Variants in ANKS1B observed in about 807,000 individuals in gnomAD.
ANKS1B encodes the protein ankyrin repeat and sterile alpha motif domain-containing protein 1B.
A neutral mutation model predicts 148.3 loss-of-function variants in ANKS1B; 36 were observed. That is an observed-to-expected ratio of 0.24 (90% CI 0.19 to 0.32). ANKS1B has a LOEUF of 0.32. Ranked by LOEUF, ANKS1B falls within the 10% of genes least tolerant of loss-of-function variation. ANKS1B has a pLI of 1.00. For missense variants in ANKS1B, 1,157 were observed against 1,542.6 expected (o/e 0.75, Z 4.19); for synonymous variants, 542 against 560.8 (o/e 0.97, Z 0.47).
intron 8 of ANKS1B, among the ~76,000 whole-genome samples, chr12:99,742,599 C>T (rs1325673124): frequency 6.6e-6 from 1 of 151,540 alleles, no homozygotes; most frequent in Non-Finnish European, 1.5e-5. Context: ...CTTTGGGAGG[C>T]CAAGGCAGGC....
intron 1 of ANKS1B, among the ~76,000 whole-genome samples, chr12:99,929,409 A>C (rs911407089): frequency 3.3e-5 from 5 of 151,962 alleles, no homozygotes; most frequent in African/African-American, 1.2e-4. Flanking sequence ...CCTTTGTCAG[A>C]TGAGTAGGTT....
chr12:99,675,540 G>A (rs1022574677), intron 8 of ANKS1B, among the ~76,000 whole-genome samples: 1 of 151,320 alleles, frequency 6.6e-6, no homozygotes, highest in African/African-American at 2.4e-5. Flanking sequence ...TGAAATAATG[G>A]CCTATTTAAA....
chr12:99,053,821 G>A (rs939419264), intron 16 of ANKS1B, among the ~76,000 whole-genome samples: 3 of 152,160 alleles, frequency 2.0e-5, no homozygotes, highest in African/African-American at 7.2e-5. Flanking sequence ...ATACTGCTGC[G>A]GTGAACCAGT....
chr12:99,549,451 TAA>T (rs2097199010), intron 9 of ANKS1B, among the ~76,000 whole-genome samples: 1 of 152,240 alleles, frequency 6.6e-6, no homozygotes, highest in African/African-American at 2.4e-5. Context: ...TTTGCTAAAT[TAA>T]GTTATGCTAA....
chr12:98,979,604 A>G (rs2099906064), intron 17 of ANKS1B, among the ~76,000 whole-genome samples: 1 of 151,958 alleles, frequency 6.6e-6, no homozygotes, highest in African/African-American at 2.4e-5. Flanking sequence ...TATGGCAAGA[A>G]ACCTGCAGAA....
At position 98,981,503 on chromosome 12, in the gene ANKS1B, T is replaced by C. The variant is rs548999338; in HGVS notation, c.2778+71654A>G. ...GGCGCATACCACCACGCCTGGCTCA[T>C]TTTTGTATTTTTAGTGGAGACGGGG... On this transcript the variant is annotated intron_variant, in intron 17 of 26. Transcript: ENST00000683438. Among the ~76,000 whole-genome samples, 14 of 152,160 alleles carry C rather than the reference T, an allele frequency of 9.2e-5. No individual in the cohort carries two copies. The South Asian group carries it at 2.9e-3, about 32-fold the overall frequency.
chr12:99,372,753 G>A (rs2093208931), intron 12 of ANKS1B, among the ~76,000 whole-genome samples: 2 of 152,060 alleles, frequency 1.3e-5, no homozygotes, highest in South Asian at 4.1e-4. Flanking sequence ...AAAGTACACT[G>A]TGTCAAGTTT....
intron 10 of ANKS1B, among the ~76,000 whole-genome samples, chr12:99,487,023 T>C (rs990242077): frequency 6.6e-6 from 1 of 152,166 alleles, no homozygotes; most frequent in African/African-American, 2.4e-5. Context: ...CCAAGGCCTA[T>C]CAAATGCACC....
intron 9 of ANKS1B, among the ~76,000 whole-genome samples, chr12:99,614,313 T>C (rs1208285473): frequency 2.0e-5 from 3 of 151,954 alleles, no homozygotes; most frequent in Non-Finnish European, 4.4e-5. Flanking sequence ...TGCATGCCTG[T>C]AGTCCCAGCT....
intron 6 of ANKS1B, among the ~76,000 whole-genome samples, chr12:99,779,012 A>G (rs1419049790): frequency 2.6e-5 from 4 of 152,224 alleles, no homozygotes; most frequent in Admixed American, 2.0e-4. Flanking sequence ...TCACTGCTGA[A>G]CAGGGTAGGA....
At chr12:99,642,677 C>T (rs902880406) in intron 9 of ANKS1B, among the ~76,000 whole-genome samples, 3 of 151,974 alleles carry the variant, frequency 2.0e-5, no homozygotes, top group South Asian at 2.1e-4. Flanking sequence ...ATTAGCTGGG[C>T]GTGGTGATGC....
intron 17 of ANKS1B, among the ~76,000 whole-genome samples, chr12:98,918,641 A>C (rs1298883470): frequency 6.6e-6 from 1 of 152,196 alleles, no homozygotes; most frequent in Non-Finnish European, 1.5e-5. Flanking sequence ...CTCTTGAGAC[A>C]AGTATGCATC....
chr12:99,230,585 A>G (rs2086680945), intron 14 of ANKS1B, among the ~76,000 whole-genome samples: 1 of 152,174 alleles, frequency 6.6e-6, no homozygotes, highest in African/African-American at 2.4e-5. Context: ...CTCTAATTTT[A>G]GAATACTAGA....
chr12:99,431,263 T>C (rs1380672967), intron 11 of ANKS1B, among the ~76,000 whole-genome samples: 1 of 152,244 alleles, frequency 6.6e-6, no homozygotes, highest in Non-Finnish European at 1.5e-5. Flanking sequence ...CATAATGGTC[T>C]TATCCATCTC....
intron 11 of ANKS1B, among the ~76,000 whole-genome samples, chr12:99,414,466 A>G (rs1003583028): frequency 6.6e-5 from 10 of 152,232 alleles, no homozygotes; most frequent in African/African-American, 2.4e-4. Context: ...GATAAAGAAA[A>G]TGTGGCACAG....
At chr12:98,975,453 CA>C (rs1331582465) in intron 17 of ANKS1B, among the ~76,000 whole-genome samples, 1 of 151,914 alleles carries the variant, frequency 6.6e-6, no homozygotes, top group Non-Finnish European at 1.5e-5. Context: ...TCCTGCCTTG[CA>C]GTCACCGAAT....
intron 19 of ANKS1B, among the ~76,000 whole-genome samples, chr12:98,820,584 A>G (rs1201939267): frequency 6.6e-6 from 1 of 152,232 alleles, no homozygotes; most frequent in East Asian, 1.9e-4. Context: ...AGAGTGAGGC[A>G]TTGCCCCCAC....
chr12:99,838,701 A>G (rs1412375796), intron 1 of ANKS1B, among the ~76,000 whole-genome samples: 1 of 152,124 alleles, frequency 6.6e-6, no homozygotes, highest in Non-Finnish European at 1.5e-5. Flanking sequence ...GGTCTTCCTG[A>G]TTACAAGATG....
At chr12:99,136,074 A>G (rs373814227) in intron 15 of ANKS1B, among the ~76,000 whole-genome samples, 22 of 152,240 alleles carry the variant, frequency 1.4e-4, no homozygotes, top group East Asian at 7.7e-4. Flanking sequence ...AAGTAATCAG[A>G]GATGACAGGA....
Sources: allele counts gnomAD v4.1 joint callset (sites outside exome capture counted in the v4.1 genomes callset), GRCh38; gene constraint gnomAD v4.1.1; transcripts MANE v1.5; gene names NCBI Gene and HGNC (gene_info 2026-07-23, HGNC 2026-07-21).